MGAT4C: variants seen among roughly 807,000 people sequenced by gnomAD.
The protein encoded by MGAT4C is MGAT4 family member C, also known as alpha-1,3-mannosyl-glycoprotein 4-beta-N-acetylglucosaminyltransferase C.
Under a neutral mutation model 40.1 loss-of-function variants are expected in MGAT4C, and 19 were observed. The observed-to-expected ratio is 0.47, with a 90% confidence interval of 0.33 to 0.70. MGAT4C has a LOEUF of 0.70. Ranked by LOEUF, MGAT4C falls within the 30% of genes least tolerant of loss-of-function variation. The pLI, the probability that MGAT4C is intolerant of heterozygous loss-of-function variation, is 0.02. For missense variants in MGAT4C, 491 were observed against 563.2 expected (o/e 0.87, Z 1.30); for synonymous variants, 181 against 187.1 (o/e 0.97, Z 0.27).
chr12:86,709,451 G>A (rs1307582347), intron 2 of MGAT4C, among the ~76,000 whole-genome samples: 2 of 151,722 alleles, frequency 1.3e-5, no homozygotes, highest in Admixed American at 6.6e-5. Flanking sequence ...TCACAATCAG[G>A]TCACTTTTGT....
chr12:86,795,987 A>G (rs1408578876), intron 1 of MGAT4C, among the ~76,000 whole-genome samples: 1 of 152,054 alleles, frequency 6.6e-6, no homozygotes, highest in Admixed American at 6.6e-5. Flanking sequence ...AAGAGCATGG[A>G]AATACATATT....
At chr12:85,984,901 C>T (rs1449920313) in intron 3 of MGAT4C, among the ~76,000 whole-genome samples, 5 of 152,044 alleles carry the variant, frequency 3.3e-5, no homozygotes, top group Non-Finnish European at 7.4e-5. Flanking sequence ...GCCTCAGCCT[C>T]CCGAGTAGCT....
At chr12:86,132,171 G>A (rs1394084685) in intron 1 of MGAT4C, among the ~76,000 whole-genome samples, 1 of 152,064 alleles carries the variant, frequency 6.6e-6, no homozygotes, top group Non-Finnish European at 1.5e-5. Flanking sequence ...TAACATGAAT[G>A]TATTCAATGA....
At chr12:86,353,110 C>G (rs1192453931) in intron 3 of MGAT4C, among the ~76,000 whole-genome samples, 1 of 151,538 alleles carries the variant, frequency 6.6e-6, no homozygotes, top group Non-Finnish European at 1.5e-5. Context: ...CTCACTGTTT[C>G]CATTGAGCTA....
chr12:86,835,611 G>A (rs1476112813), intron 1 of MGAT4C, among the ~76,000 whole-genome samples: 2 of 151,898 alleles, frequency 1.3e-5, no homozygotes, highest in Non-Finnish European at 2.9e-5. Flanking sequence ...GTAAAAGTGG[G>A]AAATGAGGAA....
chr12:86,147,651 T>C (rs1456667743), intron 1 of MGAT4C, among the ~76,000 whole-genome samples: 1 of 152,176 alleles, frequency 6.6e-6, no homozygotes, highest in Non-Finnish European at 1.5e-5. Context: ...ATTGGAGATA[T>C]TTACAGAAGA....
chr12:86,199,871 A>G (rs1299320490), intron 1 of MGAT4C, among the ~76,000 whole-genome samples: 1 of 152,166 alleles, frequency 6.6e-6, no homozygotes, highest in African/African-American at 2.4e-5. Context: ...ATGTTTATAA[A>G]TTAATGTTAA....
chr12:86,675,619 G>C (rs1038963549), intron 2 of MGAT4C, among the ~76,000 whole-genome samples: 7 of 152,154 alleles, frequency 4.6e-5, no homozygotes, highest in Admixed American at 2.0e-4. Flanking sequence ...ACCATTCTAG[G>C]ATACAATTGG....
chr12:86,123,697 T>C (rs1176476673), intron 1 of MGAT4C, among the ~76,000 whole-genome samples: 1 of 152,152 alleles, frequency 6.6e-6, no homozygotes, highest in African/African-American at 2.4e-5. Context: ...AATGTCTTTA[T>C]AGTAAAAACG....
intron 3 of MGAT4C, among the ~76,000 whole-genome samples, chr12:86,350,751 A>G (rs1052144147): frequency 6.6e-6 from 1 of 152,160 alleles, no homozygotes; most frequent in Non-Finnish European, 1.5e-5. Context: ...TATTTGTAAT[A>G]GCAACAATTA....
intron 1 of MGAT4C, among the ~76,000 whole-genome samples, chr12:86,215,582 C>A (rs1950640294): frequency 6.6e-6 from 1 of 152,152 alleles, no homozygotes; most frequent in Admixed American, 6.5e-5. Flanking sequence ...GAGCTGTAAC[C>A]AATCAAGCTG....
chr12:85,992,953 C>A (rs1886131647), intron 2 of MGAT4C, among the ~76,000 whole-genome samples: 2 of 152,316 alleles, frequency 1.3e-5, no homozygotes, highest in East Asian at 1.9e-4. Context: ...GCAGGGGAAT[C>A]AACCCCCTTT....
At chr12:86,337,396 A>G (rs1954812279) in intron 3 of MGAT4C, among the ~76,000 whole-genome samples, 1 of 152,048 alleles carries the variant, frequency 6.6e-6, no homozygotes, top group Non-Finnish European at 1.5e-5. Context: ...TAGGAGTTCA[A>G]GACCATCCTG....
chr12:86,159,845 T>C (rs1473955552), intron 1 of MGAT4C, among the ~76,000 whole-genome samples: 8 of 151,982 alleles, frequency 5.3e-5, no homozygotes, highest in Admixed American at 2.6e-4. Context: ...CTGAGTATAT[T>C]TGGGTTCTGA....
intron 1 of MGAT4C, among the ~76,000 whole-genome samples, chr12:86,765,403 A>C (rs1951487142): frequency 6.6e-6 from 1 of 152,216 alleles, no homozygotes; most frequent in South Asian, 2.1e-4. Context: ...GTGTACCTGA[A>C]AGTGACGGGT....
intron 2 of MGAT4C, among the ~76,000 whole-genome samples, chr12:86,671,265 G>T (rs2016230): frequency 0.77 from 117,461 of 152,138 alleles, 46,855 homozygotes; most frequent in Middle Eastern, 0.88. Flanking sequence ...AAATCAGTCA[G>T]ATTTGCTTTA....
chr12:86,788,491 TC>T (rs1416361805), intron 1 of MGAT4C, among the ~76,000 whole-genome samples: 1 of 152,120 alleles, frequency 6.6e-6, no homozygotes, highest in Non-Finnish European at 1.5e-5. Flanking sequence ...CTTCTCTACT[TC>T]CTGTCCTATA....
intron 1 of MGAT4C, among the ~76,000 whole-genome samples, chr12:86,098,054 A>C (rs571816660): frequency 1.7e-4 from 26 of 151,798 alleles, no homozygotes; most frequent in African/African-American, 5.8e-4. Context: ...TACACTTTTC[A>C]AATGGCTCTA....
chr12:86,603,792 AG>A (rs1368832381), intron 2 of MGAT4C, among the ~76,000 whole-genome samples: 1 of 24,324 alleles, frequency 4.1e-5, no homozygotes, highest in East Asian at 3.1e-3. Context: ...TATAATATAT[AG>A]TATATATATT....
Sources: allele counts gnomAD v4.1 joint callset (sites outside exome capture counted in the v4.1 genomes callset), GRCh38; gene constraint gnomAD v4.1.1; transcripts MANE v1.5; gene names NCBI Gene and HGNC (gene_info 2026-07-23, HGNC 2026-07-21).